The following ZBBX variants were observed in gnomAD, a reference collection of about 807,000 sequenced individuals.
ZBBX encodes zinc finger B-box domain-containing protein 1.
In ZBBX, 101 loss-of-function variants were observed where a neutral mutation model predicts 108.5. The ratio of observed to expected loss-of-function variants is 0.93; its 90% confidence interval spans 0.79 to 1.10. The LOEUF is 1.10. Ranked by LOEUF, ZBBX falls within the 50% of genes least tolerant of loss-of-function variation. The pLI, the probability that ZBBX is intolerant of heterozygous loss-of-function variation, is 0.00. For synonymous variants in ZBBX, 356 were observed against 323.4 expected (o/e 1.10, Z -1.08); for missense variants, 1,009 against 941.4 (o/e 1.07, Z -0.94).
chr3:167,293,360 CT>C (rs1731056348), intron 18 of ZBBX, among the ~76,000 whole-genome samples: 1 of 152,152 alleles, frequency 6.6e-6, no homozygotes. Context: ...ATCAAGTCGG[CT>C]TCATCCCTGG....
chr3:167,183,379 C>T, the ZBBX span, among the ~76,000 whole-genome samples: 1 of 152,174 alleles, frequency 6.6e-6, no homozygotes, highest in Non-Finnish European at 1.5e-5. Context: ...ATTGCTCCGG[C>T]GACCCTTTGA....
chr3:167,293,958 GAATAAAATACCTAGGAATACAAGTTAC>G (rs1306658874), intron 18 of ZBBX, among the ~76,000 whole-genome samples: 4 of 152,024 alleles, frequency 2.6e-5, no homozygotes. Flanking sequence ...ACTACAAAGA[GAATAAAATACCTAGGAATACAAGTTAC>G]AAGGGATGTG....
chr3:167,404,829 G>C (rs1748534319), intron 1 of ZBBX, among the ~76,000 whole-genome samples: 1 of 152,160 alleles, frequency 6.6e-6, no homozygotes, highest in Non-Finnish European at 1.5e-5. Context: ...TTGAAGAATG[G>C]AGAGACAGAG....
the ZBBX span, among the ~76,000 whole-genome samples, chr3:167,231,493 T>C: frequency 5.3e-5 from 8 of 151,840 alleles, no homozygotes; most frequent in Admixed American, 2.0e-4. Flanking sequence ...ACAAGATCAT[T>C]GCAATCAAAC....
the ZBBX span, among the ~76,000 whole-genome samples, chr3:167,216,795 T>G: frequency 6.6e-6 from 1 of 152,042 alleles, no homozygotes; most frequent in Non-Finnish European, 1.5e-5. Context: ...CGGAACAGAA[T>G]AAAGCACCCA....
In ZBBX at chr3:167,305,735, T is replaced by A. The variant is rs1403271228; in HGVS notation, c.1633A>T (p.Lys545Ter). The A allele has an allele frequency of 6.2e-7, 1 of 1,612,438 alleles. No homozygotes were observed. The highest frequency in any genetic ancestry group is 1.1e-5 in the South Asian group (1 of 90,916). ...RDLEKAPIEE[K>*]LSQDIKESLE... ...GATTCTTTGATGTCTTGAGATAATT[T>A]CTCCTCAATGGGAGCTTTTTCTAAA... Residue 545 changes from lysine (K) to a stop codon, truncating the protein, a stop_gained, in exon 17 of 22, where the codon AAA becomes TAA. Coordinates refer to ENST00000675490, the MANE Select transcript of ZBBX (RefSeq NM_001199201.2). LOFTEE classifies it high-confidence loss of function.
chr3:167,366,237 G>A (rs555464609), intron 5 of ZBBX, among the ~76,000 whole-genome samples: 3 of 151,876 alleles, frequency 2.0e-5, no homozygotes, highest in East Asian at 3.9e-4. Context: ...CTATTTCCTT[G>A]ATATTCACAA....
intron 11 of ZBBX, among the ~76,000 whole-genome samples, chr3:167,323,915 A>T (rs1342173135): frequency 6.6e-6 from 1 of 152,136 alleles, no homozygotes. Context: ...CCTTTCACAT[A>T]GAAGGAAATG....
chr3:167,187,808 C>T, the ZBBX span, among the ~76,000 whole-genome samples: 1 of 152,058 alleles, frequency 6.6e-6, no homozygotes, highest in Non-Finnish European at 1.5e-5. Flanking sequence ...CATAACACTG[C>T]CCACCTTTTC....
intron 16 of ZBBX, among the ~76,000 whole-genome samples, chr3:167,311,696 T>C (rs572147045): frequency 6.6e-6 from 1 of 151,904 alleles, no homozygotes; most frequent in South Asian, 2.1e-4. Context: ...CGATATCATA[T>C]GTCAACAGAG....
chr3:167,397,948 A>G (rs1163473793), intron 1 of ZBBX, among the ~76,000 whole-genome samples: 1 of 151,800 alleles, frequency 6.6e-6, no homozygotes, highest in Non-Finnish European at 1.5e-5. Context: ...TCAAGCAGAG[A>G]GGATAGGGGT....
At chr3:167,312,138 G>A (rs1311678600) in intron 16 of ZBBX, among the ~76,000 whole-genome samples, 3 of 152,058 alleles carry the variant, frequency 2.0e-5, no homozygotes, top group South Asian at 4.1e-4. Flanking sequence ...AAAAGACAAG[G>A]AGAAACCTCA....
intron 1 of ZBBX, chr3:167,401,202 G>A (rs1360613225): frequency 2.0e-5 from 3 of 152,160 alleles, no homozygotes; most frequent in African/African-American, 4.8e-5. Flanking sequence ...AGAAGAATTA[G>A]TTTCAAATGA....
chr3:167,254,974 C>T (rs935672317), intron 20 of ZBBX, among the ~76,000 whole-genome samples: 2 of 151,292 alleles, frequency 1.3e-5, no homozygotes, highest in Non-Finnish European at 2.9e-5. Flanking sequence ...TCACAGCATT[C>T]GGAGCCAGAA....
rs1255131682 is a variant in ZBBX at position 167,375,708 on chromosome 3, C to T, written c.-131-1921G>A. Reference sequence around the variant, plus strand: ...TAGGAGCAACTATTTTTTTTTCACTCAAACCTACCTCCAAATTACTTGGAC... The same window carrying T: ...TAGGAGCAACTATTTTTTTTTCACTTAAACCTACCTCCAAATTACTTGGAC... On this transcript the variant is annotated intron_variant, in intron 2 of 21. Transcript: ENST00000675490. 2.0e-5 allele frequency among the ~76,000 whole-genome samples: 3 copies of T among 151,568 alleles called. No individual in the cohort carries two copies. In the East Asian group the frequency reaches 5.8e-4, roughly 29 times the overall value.
At chr3:167,210,475 A>G in the ZBBX span, among the ~76,000 whole-genome samples, 1 of 152,216 alleles carries the variant, frequency 6.6e-6, no homozygotes, top group African/African-American at 2.4e-5. Context: ...AGAGAAAGGA[A>G]TAGGGGTAGA....
chr3:167,305,990 T>C (rs770246518), intron 16 of ZBBX, 40 bp from the exon 17 acceptor site: 10 of 1,395,744 alleles, frequency 7.2e-6, no homozygotes, highest in Non-Finnish European at 6.6e-6. Context: ...CATAAATAAA[T>C]TTAAACAAAT....
chr3:167,332,311 G>A (rs946279808), intron 10 of ZBBX, among the ~76,000 whole-genome samples: 3 of 150,766 alleles, frequency 2.0e-5, no homozygotes, highest in African/African-American at 7.3e-5. Flanking sequence ...ACACACGTCT[G>A]AACCCCACCC....
At chr3:167,252,283 T>C (rs1722756998) in intron 20 of ZBBX, 1 of 952,164 alleles carries the variant, frequency 1.1e-6, no homozygotes, top group Admixed American at 2.4e-5. Flanking sequence ...GATTTGAACA[T>C]ATTTACATTT....
Sources: allele counts gnomAD v4.1 joint callset (sites outside exome capture counted in the v4.1 genomes callset), GRCh38; gene constraint gnomAD v4.1.1; transcripts MANE v1.5; gene names NCBI Gene and HGNC (gene_info 2026-07-23, HGNC 2026-07-21).